The following MBOAT7 variants were observed in gnomAD, a reference collection of about 807,000 sequenced individuals.
The protein encoded by MBOAT7 is membrane-bound acylglycerophosphatidylinositol O-acyltransferase MBOAT7.
A neutral mutation model predicts 47.4 loss-of-function variants in MBOAT7; 40 were observed. The ratio of observed to expected loss-of-function variants is 0.84; its 90% CI spans 0.66 to 1.10. The LOEUF (loss-of-function observed/expected upper bound fraction) is 1.10, where lower values mean the gene tolerates loss of function less well. MBOAT7 is among the 50% of genes least tolerant of loss of function. MBOAT7 has a pLI of 0.00. For missense variants in MBOAT7, 680 were observed against 655.6 expected, an observed-to-expected ratio of 1.04 and a Z score of -0.41; for synonymous variants, 361 against 292.0, an observed-to-expected ratio of 1.24 and a Z score of -2.41.
intron 5 of MBOAT7, among the ~76,000 whole-genome samples, chr19:54,182,803 C>T (rs923970001): frequency 1.3e-5 from 2 of 151,902 alleles, no homozygotes; most frequent in East Asian, 1.9e-4. Flanking sequence ...TGGGTTCAAG[C>T]GATTCTCCAG....
chr19:54,187,022 G>A lies in MBOAT7; in HGVS notation c.333+139C>T, dbSNP rs546918123. On this transcript the variant is annotated intron_variant, in intron 4 of 7. Coordinates refer to ENST00000245615, the MANE Select transcript of MBOAT7 (RefSeq NM_024298.5). ...ATGTGAATGGGGAATGCTGTGCCCA[G>A]GGCAGCAAGTGAGGTGACGTCCCAC... 130 of 1,065,890 alleles carry A rather than the reference G, an allele frequency of 1.2e-4. No homozygotes were observed. In the East Asian group the frequency reaches 3.3e-3, roughly 27 times the overall value. The allele number at this position is 1,065,890 out of a possible 1,614,324, so 66.0% of individuals were successfully genotyped here. A position where few individuals can be genotyped will look rare whatever the true frequency, so the allele number is the denominator to read the frequency against.
chr19:54,181,393 C>T (rs2076267595), intron 5 of MBOAT7, among the ~76,000 whole-genome samples: 1 of 151,938 alleles, frequency 6.6e-6, no homozygotes, highest in Non-Finnish European at 1.5e-5. Flanking sequence ...CGGTGGCTCA[C>T]ACCTGGAATC....
In MBOAT7 at chr19:54,180,280, G is replaced by C. The variant is rs544506898; in HGVS notation, c.854+493C>G. ...ACAAAGGGGCAGTGCAGGGAGTGCC[G>C]TATCTGCAGCAACAGAGCAAAACTT... On this transcript the variant is annotated intron_variant, in intron 6 of 7. Coordinates refer to ENST00000245615, the MANE Select transcript of MBOAT7 (RefSeq NM_024298.5). This position sits in a 1 kb window ranked among gnomAD's most constrained non-coding sequence, Gnocchi z 5.2. 1 of 155,296 alleles carries C rather than the reference G, an allele frequency of 6.4e-6. No homozygotes were observed. Among genetic ancestry groups the C allele is most frequent in the Non-Finnish European group, 1.4e-5 (1 of 70,282 alleles). 9.6% of individuals were successfully genotyped at this position (155,296 alleles called of 1,614,324 possible). A position where few individuals can be genotyped will look rare whatever the true frequency, so the allele number is the denominator to read the frequency against.
At chr19:54,177,186 A>AATACTAATACTAATACTAATAC (rs1324432737) in intron 7 of MBOAT7, among the ~76,000 whole-genome samples, 38 of 62,062 alleles carry the variant, frequency 6.1e-4, no homozygotes, top group East Asian at 1.2e-3. Flanking sequence ...AATACTAATA[A>AATACTAATACTAATACTAATAC]TAATATCCTT....
chr19:54,183,675 C>T lies in MBOAT7; in HGVS notation c.339G>A (p.Val113=), dbSNP rs747376412. 1 of 1,563,198 alleles carries T rather than the reference C, an allele frequency of 6.4e-7. No homozygotes were observed. Among genetic ancestry groups the T allele is most frequent in the Admixed American group, 1.9e-5 (1 of 51,652 alleles). The change falls in exon 5 of 8, where the codon GTG becomes GTA. Residue 113 remains valine, a synonymous_variant. Transcript: ENST00000245615. ...AVQLLLTLKL[V]SLASEVQDLH... ...GGTCCTGGACTTCACTGGCCAGGCT[C>T]ACCAGCTGGGCAGAAGGGGGTGGGC...
At chr19:54,175,903 C>T (rs546899361) in intron 7 of MBOAT7, among the ~76,000 whole-genome samples, 5 of 152,224 alleles carry the variant, frequency 3.3e-5, no homozygotes, top group Admixed American at 6.5e-5. Context: ...TTTTGTATTT[C>T]TGGTAAAGAC....
intron 7 of MBOAT7, among the ~76,000 whole-genome samples, chr19:54,177,292 GTTTT>G (rs1196581749): frequency 2.0e-5 from 3 of 151,576 alleles, no homozygotes; most frequent in Non-Finnish European, 4.4e-5. Context: ...TGTTTTTTGT[GTTTT>G]TTTGTTTGTT....
intron 4 of MBOAT7, among the ~76,000 whole-genome samples, chr19:54,184,678 G>A (rs901091556): frequency 7.9e-5 from 12 of 151,898 alleles, no homozygotes; most frequent in East Asian, 3.9e-4. Context: ...CGAGGCAGGC[G>A]GATCACCTGA....
chr19:54,182,469 A>G (rs1310137785), intron 5 of MBOAT7, among the ~76,000 whole-genome samples: 1 of 149,790 alleles, frequency 6.7e-6, no homozygotes, highest in Non-Finnish European at 1.5e-5. Flanking sequence ...CTCGGTGAAT[A>G]TACTAAAAAT....
At chr19:54,182,590 T>C (rs2076318255) in intron 5 of MBOAT7, among the ~76,000 whole-genome samples, 1 of 151,764 alleles carries the variant, frequency 6.6e-6, no homozygotes, top group African/African-American at 2.4e-5. Context: ...AAGCTGTTAT[T>C]GGAAAAAAAA....
chr19:54,177,906 T>TTG lies in MBOAT7; in HGVS notation c.1031+858_1031+859insCA, dbSNP rs1406319969. ...GGCTATGAGTTCTACTTCTGTTTTT[T>TTG]TTTTTTTTTTTTTTTTTTTTTTTTG... On this transcript the variant is annotated intron_variant, in intron 7 of 7. Coordinates refer to ENST00000245615, the MANE Select transcript of MBOAT7 (RefSeq NM_024298.5). Among the ~76,000 whole-genome samples the TTG allele has an allele frequency of 8.6e-3, 491 of 56,852 alleles. 30 individuals are homozygous for TTG. The highest frequency in any genetic ancestry group is 0.026 in the African/African-American group (464 of 17,780). 37.3% of individuals were successfully genotyped at this position (56,852 alleles called of 152,430 possible).
At chr19:54,177,148 T>G (rs1022426323) in intron 7 of MBOAT7, among the ~76,000 whole-genome samples, 1 of 141,072 alleles carries the variant, frequency 7.1e-6, no homozygotes, top group African/African-American at 2.7e-5. Context: ...TGACAGAGCA[T>G]CAAAATACTA....
intron 5 of MBOAT7, among the ~76,000 whole-genome samples, chr19:54,182,069 G>A (rs1238630688): frequency 6.6e-6 from 1 of 150,596 alleles, no homozygotes; most frequent in Admixed American, 6.6e-5. Flanking sequence ...AGGGAAGGAC[G>A]GAGGGAAGGA....
At chr19:54,188,144 A>C (rs1000830558) in intron 3 of MBOAT7, 73 bp downstream of exon 3, 1 of 1,469,520 alleles carries the variant, frequency 6.8e-7, no homozygotes, top group African/African-American at 1.4e-5. Context: ...GAAGCTGAAA[A>C]AGACTCAAAG....
intron 7 of MBOAT7, chr19:54,178,406 T>C: frequency 8.2e-7 from 1 of 1,218,966 alleles, no homozygotes; most frequent in Middle Eastern, 3.3e-4. Flanking sequence ...TAAATAGCAT[T>C]CACTCCATTC....
At position 54,173,857 on chromosome 19, in the gene MBOAT7, T is replaced by G; in HGVS notation, c.*187A>C. 1 of 598,394 alleles carries G rather than the reference T, an allele frequency of 1.7e-6. No homozygotes were observed. Among genetic ancestry groups the G allele is most frequent in the South Asian group, 2.4e-5 (1 of 42,288 alleles). 37.1% of individuals were successfully genotyped at this position (598,394 alleles called of 1,614,324 possible). A position where few individuals can be genotyped will look rare whatever the true frequency, so the allele number is the denominator to read the frequency against. On this transcript the variant is annotated 3_prime_UTR_variant, in exon 8 of 8. Coordinates refer to ENST00000245615, the MANE Select transcript of MBOAT7 (RefSeq NM_024298.5). ...TACTTTGATTTTGTAGGAGTGGAGGTGGCCTCTGGGCAGAGGGCAGGGAGG... is the reference window on the plus strand; with the variant it reads ...TACTTTGATTTTGTAGGAGTGGAGGGGGCCTCTGGGCAGAGGGCAGGGAGG...
chr19:54,182,297 A>G (rs1568806887), intron 5 of MBOAT7, among the ~76,000 whole-genome samples: 2 of 152,124 alleles, frequency 1.3e-5, no homozygotes, highest in Non-Finnish European at 2.9e-5. Context: ...GTATGATTCC[A>G]TTTGTAAGCG....
chr19:54,187,285 G>T lies in MBOAT7; in HGVS notation c.209C>A (p.Ser70Tyr), dbSNP rs758533485. 6.2e-7 allele frequency: 1 copy of T among 1,608,734 alleles called. No individual in the cohort carries two copies. The highest frequency in any genetic ancestry group is 1.7e-5 in the Admixed American group (1 of 59,310). The change falls in exon 4 of 8, where the codon TCC becomes TAC. Residue 70 changes from serine to tyrosine, a missense_variant and splice_region_variant. Transcript: ENST00000245615. The stretch of plus-strand genomic sequence containing the variant: ...CCAGGCCAGAGCCAGGGCGTGGCAG[G>T]AGCTGGGCAAAAGCAGGAGGCGCAC... The part of the protein sequence containing the change: ...TWALIQAQPC[S>Y]CHALALAWTF...
At chr19:54,186,938 CT>C in intron 4 of MBOAT7, 1 of 586,428 alleles carries the variant, frequency 1.7e-6, no homozygotes, top group South Asian at 2.3e-5. Flanking sequence ...TACTGTTACC[CT>C]ATGTGGGTTA....
Sources: allele counts gnomAD v4.1 joint callset (sites outside exome capture counted in the v4.1 genomes callset), GRCh38; gene constraint gnomAD v4.1.1; non-coding constraint Gnocchi (gnomAD v3.1); transcripts MANE v1.5; gene names NCBI Gene and HGNC (gene_info 2026-07-23, HGNC 2026-07-21).